Variants in GABRB2 observed in about 807,000 individuals in gnomAD.
GABRB2 encodes gamma-aminobutyric acid receptor subunit beta-2.
Under a neutral mutation model 54.7 loss-of-function variants are expected in GABRB2, and 16 were observed. That is an observed-to-expected ratio of 0.29 (90% CI 0.20 to 0.44). GABRB2 has a LOEUF of 0.44. Ranked by LOEUF, GABRB2 falls within the 20% of genes least tolerant of loss-of-function variation. GABRB2 has a pLI of 1.00. For synonymous variants in GABRB2, 244 were observed against 233.8 expected (o/e 1.04, Z -0.40); for missense variants, 355 against 644.0 (o/e 0.55, Z 4.86).
chr5:161,323,527 C>A (rs563470242), intron 9 of GABRB2, among the ~76,000 whole-genome samples: 1 of 152,120 alleles, frequency 6.6e-6, no homozygotes, highest in African/African-American at 2.4e-5. Flanking sequence ...ATTCTGCTTG[C>A]GCTAATTATG....
chr5:161,320,255 AT>A (rs1490351045), intron 9 of GABRB2, among the ~76,000 whole-genome samples: 1 of 151,650 alleles, frequency 6.6e-6, no homozygotes, highest in East Asian at 1.9e-4. Context: ...GTTTTAAGCT[AT>A]GGCCATCTCA....
At chr5:161,325,609 T>C (rs1758339341) in intron 9 of GABRB2, among the ~76,000 whole-genome samples, 2 of 152,076 alleles carry the variant, frequency 1.3e-5, no homozygotes, top group Admixed American at 6.6e-5. Context: ...ATATCCAATA[T>C]CATTTGCTAA....
intron 4 of GABRB2, among the ~76,000 whole-genome samples, chr5:161,422,793 G>T (rs1756885889): frequency 2.0e-5 from 3 of 152,142 alleles, no homozygotes; most frequent in Admixed American, 1.3e-4. Flanking sequence ...TCCATGGGTT[G>T]TAAATGATCA....
At chr5:161,333,306 C>T (rs1407481927) in intron 7 of GABRB2, among the ~76,000 whole-genome samples, 1 of 152,164 alleles carries the variant, frequency 6.6e-6, no homozygotes, top group African/African-American at 2.4e-5. Flanking sequence ...ATGGACCTTT[C>T]CTCCATGGAT....
chr5:161,394,856 G>T (rs183085496), intron 5 of GABRB2, among the ~76,000 whole-genome samples: 1 of 151,966 alleles, frequency 6.6e-6, no homozygotes, highest in East Asian at 1.9e-4. Flanking sequence ...CATATTTTGA[G>T]GCCAACATAA....
Position 161,485,890 on chromosome 5 carries a change from G to A in GABRB2, c.238-26046C>T, listed in dbSNP as rs1758908511. Reference sequence around the variant, plus strand: ...GTGGGGTGTTGCAGTGGGTGTGGGGGTGCATTAGGAAAGCACCTGCCTGGG... The same window carrying A: ...GTGGGGTGTTGCAGTGGGTGTGGGGATGCATTAGGAAAGCACCTGCCTGGG... On this transcript the variant is annotated intron_variant, in intron 3 of 9. Coordinates refer to ENST00000393959, the MANE Select transcript of GABRB2 (RefSeq NM_001371727.1). 2.0e-5 allele frequency among the ~76,000 whole-genome samples: 3 copies of A among 151,874 alleles called. No homozygotes were observed. The South Asian group carries it at 6.2e-4, about 32-fold the overall frequency.
chr5:161,312,656 A>C (rs190253313), intron 9 of GABRB2, among the ~76,000 whole-genome samples: 210 of 152,318 alleles, frequency 1.4e-3, no homozygotes, highest in African/African-American at 5.0e-3. Flanking sequence ...ACATCAGTAA[A>C]ACTGAGAATA....
intron 9 of GABRB2, among the ~76,000 whole-genome samples, chr5:161,294,737 A>G (rs1040780838): frequency 1.3e-5 from 2 of 152,346 alleles, no homozygotes; most frequent in Non-Finnish European, 2.9e-5. Context: ...AATCGAAGGC[A>G]TGGTACCCTT....
At chr5:161,457,805 A>G (rs998885213) in intron 4 of GABRB2, among the ~76,000 whole-genome samples, 1 of 152,152 alleles carries the variant, frequency 6.6e-6, no homozygotes, top group African/African-American at 2.4e-5. Flanking sequence ...CTTTGCCTAC[A>G]TGCATTTATG....
intron 9 of GABRB2, among the ~76,000 whole-genome samples, chr5:161,312,305 T>C (rs1298104458): frequency 6.6e-6 from 1 of 152,186 alleles, no homozygotes; most frequent in East Asian, 1.9e-4. Flanking sequence ...AATATCTCTC[T>C]CTTTCATTCT....
chr5:161,530,701 CT>C (rs1264193275), intron 3 of GABRB2, among the ~76,000 whole-genome samples: 1 of 152,122 alleles, frequency 6.6e-6, no homozygotes, highest in Non-Finnish European at 1.5e-5. Context: ...TTCTACAGCT[CT>C]TTCCTCTGAA....
intron 5 of GABRB2, among the ~76,000 whole-genome samples, chr5:161,404,466 C>G (rs537492332): frequency 6.6e-6 from 1 of 151,970 alleles, no homozygotes; most frequent in African/African-American, 2.4e-5. Flanking sequence ...TTATGTGACA[C>G]CTCCACTTTA....
intron 5 of GABRB2, among the ~76,000 whole-genome samples, chr5:161,377,473 G>A (rs942126771): frequency 2.3e-4 from 35 of 152,080 alleles, no homozygotes; most frequent in African/African-American, 8.2e-4. Flanking sequence ...TGAGAAAAGA[G>A]TATCCTCAGC....
chr5:161,390,788 T>C (rs1268529805), intron 5 of GABRB2, among the ~76,000 whole-genome samples: 1 of 152,126 alleles, frequency 6.6e-6, no homozygotes, highest in Non-Finnish European at 1.5e-5. Context: ...TTCTCCCAAA[T>C]CTTTGCATCT....
intron 4 of GABRB2, among the ~76,000 whole-genome samples, chr5:161,420,172 A>G (rs1266483365): frequency 6.6e-6 from 1 of 152,162 alleles, no homozygotes; most frequent in African/African-American, 2.4e-5. Context: ...CATCAGAGTC[A>G]TACCATTTCA....
chr5:161,464,695 C>G (rs1237419515), intron 3 of GABRB2, among the ~76,000 whole-genome samples: 1 of 152,086 alleles, frequency 6.6e-6, no homozygotes, highest in African/African-American at 2.4e-5. Context: ...ATCCCTGAAA[C>G]AGAATACTAC....
rs563950257 is a variant in GABRB2, at chr5:161,291,871, A to G, written c.*2210T>C. 1.3e-5 allele frequency: 2 copies of G among 152,390 alleles called. No homozygotes were observed. The highest frequency in any genetic ancestry group is 4.8e-5 in the African/African-American group (2 of 41,520). The allele number at this position is 152,390 out of a possible 1,614,324, so 9.4% of individuals were successfully genotyped here. A position where few individuals can be genotyped will look rare whatever the true frequency, so the allele number is the denominator to read the frequency against. On this transcript the variant is annotated 3_prime_UTR_variant, in exon 10 of 10. Transcript: ENST00000393959. ...TGAGTTATCAATATGTTCCTTCCTG[A>G]TGTTTTTTAGTCAAACTTTACCCCC...
At chr5:161,362,626 T>A (rs1167414424) in intron 5 of GABRB2, among the ~76,000 whole-genome samples, 1 of 152,038 alleles carries the variant, frequency 6.6e-6, no homozygotes, top group African/African-American at 2.4e-5. Context: ...TCGCAATCTA[T>A]CCATCTGACA....
At chr5:161,319,872 C>A (rs1219730466) in intron 9 of GABRB2, among the ~76,000 whole-genome samples, 1 of 150,646 alleles carries the variant, frequency 6.6e-6, no homozygotes, top group Non-Finnish European at 1.5e-5. Context: ...GGTCGTTTTT[C>A]TTTTCTATTT....
Sources: allele counts gnomAD v4.1 joint callset (sites outside exome capture counted in the v4.1 genomes callset), GRCh38; gene constraint gnomAD v4.1.1; transcripts MANE v1.5; gene names NCBI Gene and HGNC (gene_info 2026-07-23, HGNC 2026-07-21).